The following XPNPEP3 variants were observed in gnomAD, a reference collection of about 807,000 sequenced individuals.
XPNPEP3 encodes the protein X-prolyl aminopeptidase 3.
XPNPEP3 carries 41 observed loss-of-function variants against 60.0 expected under a neutral mutation model. The ratio of observed to expected loss-of-function variants is 0.68; its 90% CI spans 0.53 to 0.89. The LOEUF is 0.89. Among genes scored for constraint, XPNPEP3 ranks in the 40% least tolerant of loss-of-function variants. The pLI, the probability that XPNPEP3 is intolerant of heterozygous loss-of-function variation, is 0.00. For synonymous variants in XPNPEP3, 212 were observed against 223.2 expected (o/e 0.95, Z 0.45); for missense variants, 598 against 638.9 (o/e 0.94, Z 0.69).
rs1569012013 is a variant in XPNPEP3, at chr22:40,861,467, A to AAAAGCC, written c.64+4224_64+4229dup. 3 of 1,614,176 alleles carry AAAAGCC rather than the reference A, an allele frequency of 1.9e-6. No individual in the cohort carries two copies. The African/African-American group carries it at 4.0e-5, about 22-fold the overall frequency. On this transcript the variant is annotated intron_variant, in intron 1 of 9. Coordinates refer to ENST00000357137, the MANE Select transcript of XPNPEP3 (RefSeq NM_022098.4). ...TGTAGTTGTCCATCCCACTATTATC[A>AAAAGCC]AAAGCCAGGGAAGAGAAAGAAGTAA...
intron 4 of XPNPEP3, among the ~76,000 whole-genome samples, chr22:40,898,855 G>A (rs914014681): frequency 1.3e-5 from 2 of 152,040 alleles, no homozygotes; most frequent in African/African-American, 4.8e-5. Flanking sequence ...AACCAGAACC[G>A]TACTGTCTGC....
chr22:40,884,756 T>C (rs922536870), intron 3 of XPNPEP3, among the ~76,000 whole-genome samples: 8 of 150,652 alleles, frequency 5.3e-5, no homozygotes, highest in African/African-American at 1.9e-4. Context: ...CCGGGTGCAG[T>C]GGCTCACGCC....
At chr22:40,907,946 G>A (rs2058162510) in intron 5 of XPNPEP3, among the ~76,000 whole-genome samples, 1 of 152,336 alleles carries the variant, frequency 6.6e-6, no homozygotes, top group East Asian at 1.9e-4. Flanking sequence ...TGGGCGTGGA[G>A]CTCATGCCTG....
chr22:40,922,060 G>A (rs2058218584), intron 7 of XPNPEP3, among the ~76,000 whole-genome samples: 1 of 151,886 alleles, frequency 6.6e-6, no homozygotes, highest in Non-Finnish European at 1.5e-5. Context: ...TGCACTCATG[G>A]CTCAGTGCTT....
intron 1 of XPNPEP3, chr22:40,859,490 C>T (rs556933734): frequency 1.3e-5 from 2 of 152,014 alleles, no homozygotes; most frequent in African/African-American, 2.4e-5. Context: ...TTCAACTTTA[C>T]TACCACATGC....
chr22:40,902,071 CTT>C (rs748080226), intron 4 of XPNPEP3, among the ~76,000 whole-genome samples: 9 of 127,590 alleles, frequency 7.1e-5, no homozygotes, highest in Non-Finnish European at 9.8e-5. Flanking sequence ...ACTTTTCCTT[CTT>C]TTTTTTTTTT....
At chr22:40,863,459 C>T (rs77698202) in intron 1 of XPNPEP3, among the ~76,000 whole-genome samples, 4,653 of 152,226 alleles carry the variant, frequency 0.031, 93 homozygotes, top group Non-Finnish European at 0.049. Flanking sequence ...TTAAATGATA[C>T]GCTAATGAAA....
intron 2 of XPNPEP3, among the ~76,000 whole-genome samples, chr22:40,874,145 G>A (rs948294912): frequency 2.0e-5 from 3 of 152,140 alleles, no homozygotes; most frequent in African/African-American, 7.2e-5. Flanking sequence ...GGGGAGTTAG[G>A]AAGAAAAATA....
intron 4 of XPNPEP3, among the ~76,000 whole-genome samples, chr22:40,893,441 G>T (rs1049758437): frequency 1.4e-5 from 2 of 143,012 alleles, no homozygotes; most frequent in South Asian, 2.2e-4. Flanking sequence ...GGAGGTGGAG[G>T]TTGCAGTCAG....
intron 1 of XPNPEP3, among the ~76,000 whole-genome samples, chr22:40,865,989 A>G (rs2057976782): frequency 6.6e-6 from 1 of 152,086 alleles, no homozygotes; most frequent in South Asian, 2.1e-4. Flanking sequence ...TAATTTATAT[A>G]TCTAGCCTAG....
intron 2 of XPNPEP3, among the ~76,000 whole-genome samples, chr22:40,872,490 G>A (rs1295392447): frequency 7.3e-5 from 11 of 150,518 alleles, no homozygotes; most frequent in Non-Finnish European, 1.3e-4. Flanking sequence ...CGCTCTTGTC[G>A]CCCAGGCTGG....
In XPNPEP3 at chr22:40,928,988, C is replaced by T. The variant is rs1267144465; in HGVS notation, c.*2553C>T. 6.6e-6 allele frequency: 1 copy of T among 152,140 alleles called. No homozygotes were observed. The highest frequency in any genetic ancestry group is 1.5e-5 in the Non-Finnish European group (1 of 68,042). The allele number at this position is 152,140 out of a possible 1,614,324, so 9.4% of individuals were successfully genotyped here. On this transcript the variant is annotated 3_prime_UTR_variant, in exon 10 of 10. Coordinates refer to ENST00000357137, the MANE Select transcript of XPNPEP3 (RefSeq NM_022098.4). ...CTGCACAGCTGGAGTCTCCATCCCC[C>T]ATACCCACCTTCCCACCTCCCTCCA... is the stretch of plus-strand genomic sequence containing the variant.
In XPNPEP3 at chr22:40,882,152, T is replaced by A; in HGVS notation, c.564T>A (p.Phe188Leu). The part of the protein sequence containing the change: ...GVDEAYTLEE[F>L]QHLLPKMKAE... ...ACGAAGCCTATACGCTAGAAGAATT[T>A]CAACATCTTCTACCAAAAATGAAAG... The change falls in exon 3 of 10, where the codon TTT becomes TTA. Residue 188 changes from phenylalanine (F) to leucine (L), a missense_variant. Transcript: ENST00000357137. 1.2e-6 allele frequency: 2 copies of A among 1,614,164 alleles called. No individual in the cohort carries two copies. The highest frequency in any genetic ancestry group is 2.2e-5 in the South Asian group (2 of 91,088).
intron 5 of XPNPEP3, among the ~76,000 whole-genome samples, chr22:40,908,913 G>A (rs1486973315): frequency 6.6e-6 from 1 of 152,156 alleles, no homozygotes; most frequent in East Asian, 1.9e-4. Flanking sequence ...GAATAAAAAA[G>A]TATACTTACA....
At chr22:40,886,537 T>A in intron 4 of XPNPEP3, 22 bp downstream of exon 4, 12 of 1,611,214 alleles carry the variant, frequency 7.4e-6, no homozygotes, top group Non-Finnish European at 1.0e-5. Context: ...ATTGAAAAGT[T>A]TTTTCCAGCC....
At chr22:40,876,344 C>G (rs148491432) in intron 2 of XPNPEP3, among the ~76,000 whole-genome samples, 67 of 152,268 alleles carry the variant, frequency 4.4e-4, no homozygotes, top group African/African-American at 1.5e-3. Flanking sequence ...GGGTGACAAC[C>G]AGTTCAAGTG....
rs2146282197 is a variant in XPNPEP3, at chr22:40,924,440, TC to T, written c.1318del (p.Leu440SerfsTer8). The T allele has an allele frequency of 6.2e-7, 1 of 1,614,174 alleles. No homozygotes were observed. Among genetic ancestry groups the T allele is most frequent in the East Asian group, 2.2e-5 (1 of 44,888 alleles). ...DVHDTPDMPR[S>X]LPLQPGMVIT... Reference sequence around the variant, plus strand: ...CCATGACACTCCAGACATGCCCCGTTCCCTCCCTCTGCAGCCTGGGATGGTA... The same window carrying T: ...CCATGACACTCCAGACATGCCCCGTTCCTCCCTCTGCAGCCTGGGATGGTA... On this transcript the variant is annotated frameshift_variant, in exon 9 of 10. Transcript: ENST00000357137. LOFTEE classifies it high-confidence loss of function.
At chr22:40,910,493 G>A (rs943778172) in intron 6 of XPNPEP3, among the ~76,000 whole-genome samples, 2 of 151,510 alleles carry the variant, frequency 1.3e-5, no homozygotes, top group African/African-American at 4.9e-5. Context: ...TCCCTTGAAT[G>A]CAGGAGTTCA....
chr22:40,925,380 C>A (rs186540615), intron 9 of XPNPEP3, among the ~76,000 whole-genome samples: 3 of 152,150 alleles, frequency 2.0e-5, no homozygotes, highest in South Asian at 2.1e-4. Flanking sequence ...GAAAACAGAT[C>A]TAAATTTTAG....
Sources: gnomAD v4.1 joint callset for allele counts (sites outside exome capture counted in the v4.1 genomes callset) on GRCh38, gnomAD v4.1.1 for gene constraint, MANE v1.5 for transcripts, NCBI Gene and HGNC (gene_info 2026-07-23, HGNC 2026-07-21) for gene names.